PACS1: variants seen among roughly 807,000 people sequenced by gnomAD.
The protein encoded by PACS1 is PACS-1.
PACS1 carries 24 observed loss-of-function variants against 115.0 expected under a neutral mutation model. The observed-to-expected ratio is 0.21, with a 90% confidence interval of 0.15 to 0.29. PACS1 has a LOEUF of 0.29. PACS1 is among the 10% of genes least tolerant of loss of function. The probability of loss-of-function intolerance (pLI) is 1.00; values close to 1 mark genes in which losing one functional copy is unlikely to be tolerated. For missense variants in PACS1, 838 were observed against 1,251.2 expected (o/e 0.67, Z 4.98); for synonymous variants, 453 against 504.5 (o/e 0.90, Z 1.37).
chr11:66,216,366 A>T (rs1855209348), intron 5 of PACS1, 103 bp downstream of exon 5: 3 of 1,484,076 alleles, frequency 2.0e-6, no homozygotes, highest in Non-Finnish European at 2.8e-6. Flanking sequence ...AGACCTTTAG[A>T]GACCCCTGAA....
chr11:66,238,504 G>A (rs1049822735), intron 19 of PACS1: 65 of 288,200 alleles, frequency 2.3e-4, no homozygotes, highest in African/African-American at 1.4e-3. Flanking sequence ...TTTATTTGAT[G>A]TATTTATTTA....
rs375276233 is a variant in PACS1, at chr11:66,230,846, C to T, written c.1532C>T (p.Thr511Met). Reference protein sequence around the residue: ...GVHTPRQKRSTPLKERQLSKP... With the variant: ...GVHTPRQKRSMPLKERQLSKP... ...CACACACCCCGGCAGAAGAGGAGCA[C>T]GCCCCTGAAGGAGCGGCAGCTCTCC... Residue 511 changes from threonine to methionine, a missense_variant, in exon 13 of 24, where the codon ACG becomes ATG. Around this residue, in one of 6 missense-constraint regions of PACS1, gnomAD observed 383 missense variants for 537.0 expected, o/e 0.71. Transcript: ENST00000320580. The T allele has an allele frequency of 2.0e-5, 33 of 1,614,086 alleles. No individual in the cohort carries two copies. Among genetic ancestry groups the T allele is most frequent in the African/African-American group, 4.0e-5 (3 of 74,936 alleles).
intron 1 of PACS1, among the ~76,000 whole-genome samples, chr11:66,076,079 G>T (rs979290144): frequency 1.3e-5 from 2 of 152,148 alleles, no homozygotes; most frequent in Non-Finnish European, 2.9e-5. Context: ...TAGGAGATTT[G>T]AATTTCACAT....
At chr11:66,216,862 C>CTTATTTTTTTTTTTTTTTTTT in intron 7 of PACS1, 87 bp downstream of exon 7, 8 of 849,800 alleles carry the variant, frequency 9.4e-6, no homozygotes, top group East Asian at 2.7e-5. Context: ...CTAGTGGAGA[C>CTTATTTTTTTTTTTTTTTTTT]TTCTTAAAAT....
At chr11:66,103,444 A>G (rs912373778) in intron 1 of PACS1, among the ~76,000 whole-genome samples, 11 of 152,046 alleles carry the variant, frequency 7.2e-5, no homozygotes, top group African/African-American at 2.4e-4. Context: ...AATTTAGGAG[A>G]AAAGGGCATT....
chr11:66,185,686 C>G (rs926004810), intron 1 of PACS1, among the ~76,000 whole-genome samples: 1 of 152,214 alleles, frequency 6.6e-6, no homozygotes, highest in African/African-American at 2.4e-5. Flanking sequence ...AGATTTGGCT[C>G]TCCTAGGGAT....
At chr11:66,135,543 G>A (rs1313633616) in intron 1 of PACS1, among the ~76,000 whole-genome samples, 2 of 152,072 alleles carry the variant, frequency 1.3e-5, no homozygotes, top group African/African-American at 2.4e-5. Flanking sequence ...ATTACAGAGC[G>A]ATTTTCTGTG....
At chr11:66,100,653 T>C (rs1324783460) in intron 1 of PACS1, 2 of 355,616 alleles carry the variant, frequency 5.6e-6, no homozygotes, top group African/African-American at 2.1e-5. Context: ...AACTGCACTT[T>C]GGGCAGAGTT....
At chr11:66,214,615 CTTTTCTTTTTTTT>C (rs1855155375) in intron 4 of PACS1, among the ~76,000 whole-genome samples, 1 of 42,734 alleles carries the variant, frequency 2.3e-5, no homozygotes, top group African/African-American at 7.4e-5. Context: ...TCTTCTTTTT[CTTTTCTTTTTTTT>C]TTTTTTTTCC....
At chr11:66,138,571 C>T (rs1334738126) in intron 1 of PACS1, among the ~76,000 whole-genome samples, 1 of 152,086 alleles carries the variant, frequency 6.6e-6, no homozygotes, top group African/African-American at 2.4e-5. Flanking sequence ...CCCTGGGTCC[C>T]TTGCTTGCCT....
intron 11 of PACS1, among the ~76,000 whole-genome samples, chr11:66,229,515 C>T (rs946973824): frequency 1.3e-5 from 2 of 151,728 alleles, no homozygotes; most frequent in East Asian, 1.9e-4. Context: ...CTGGCTAACA[C>T]GTCTCTACTA....
chr11:66,177,650 A>G (rs1859899323), intron 1 of PACS1, among the ~76,000 whole-genome samples: 1 of 151,928 alleles, frequency 6.6e-6, no homozygotes, highest in Non-Finnish European at 1.5e-5. Context: ...TTGCTCTGTC[A>G]TCCAGGCCCA....
In PACS1 at chr11:66,070,569, C is replaced by T; in HGVS notation, c.83C>T (p.Ser28Phe). 6.8e-7 allele frequency: 1 copy of T among 1,478,702 alleles called. No individual in the cohort carries two copies. Among genetic ancestry groups the T allele is most frequent in the South Asian group, 1.3e-5 (1 of 78,300 alleles). The allele number at this position is 1,478,702 out of a possible 1,614,324, so 91.6% of individuals were successfully genotyped here. ...CAGCGGGGATCCGGGGTCGCCCAGTCCCCTCAGCAGCCGCCGCCGCAGCAG... is the reference window on the plus strand; with the variant it reads ...CAGCGGGGATCCGGGGTCGCCCAGTTCCCTCAGCAGCCGCCGCCGCAGCAG... Reference protein sequence around the residue: ...SGQRGSGVAQSPQQPPPQQQQ... With the variant: ...SGQRGSGVAQFPQQPPPQQQQ... The change falls in exon 1 of 24, where the codon TCC becomes TTC. Residue 28 changes from serine (S) to phenylalanine (F), a missense_variant. This residue lies in a region of PACS1 where 129 missense variants were observed against 109.4 expected (regional missense o/e 1.18). Transcript: ENST00000320580. The surrounding 1 kb of genome is among the most constrained non-coding windows in gnomAD (Gnocchi z 5.9).
chr11:66,188,509 C>T lies in PACS1; in HGVS notation c.357-4977C>T, dbSNP rs562932325. On this transcript the variant is annotated intron_variant, in intron 1 of 23. Transcript: ENST00000320580. ...AGTTCTGGTTACCCTACATCTTCACCAGCACTTGGAATTATCAGCCTTTAT... is the reference window on the plus strand; with the variant it reads ...AGTTCTGGTTACCCTACATCTTCACTAGCACTTGGAATTATCAGCCTTTAT... 5.3e-5 allele frequency among the ~76,000 whole-genome samples: 8 copies of T among 152,286 alleles called. No homozygotes were observed. In the South Asian group the frequency reaches 1.7e-3, roughly 32 times the overall value.
At chr11:66,198,513 A>G (rs1854698731) in intron 2 of PACS1, among the ~76,000 whole-genome samples, 1 of 151,898 alleles carries the variant, frequency 6.6e-6, no homozygotes, top group South Asian at 2.1e-4. Flanking sequence ...ACAAAAAACC[A>G]CATATTGTAT....
chr11:66,113,923 A>G (rs1006996485), intron 1 of PACS1, among the ~76,000 whole-genome samples: 1 of 152,184 alleles, frequency 6.6e-6, no homozygotes, highest in African/African-American at 2.4e-5. Context: ...AAGCAAACAC[A>G]TAGGGTATGA....
At chr11:66,139,495 C>T (rs1858929884) in intron 1 of PACS1, among the ~76,000 whole-genome samples, 1 of 151,764 alleles carries the variant, frequency 6.6e-6, no homozygotes, top group African/African-American at 2.4e-5. Flanking sequence ...CCCCCCTAAC[C>T]CCACCACTAC....
intron 1 of PACS1, among the ~76,000 whole-genome samples, chr11:66,180,950 T>C (rs991418609): frequency 6.6e-6 from 1 of 152,142 alleles, no homozygotes; most frequent in Non-Finnish European, 1.5e-5. Context: ...TGAGCCACCA[T>C]GCTCAGCCCT....
intron 1 of PACS1, among the ~76,000 whole-genome samples, chr11:66,159,324 A>T (rs1859436113): frequency 6.6e-6 from 1 of 152,074 alleles, no homozygotes; most frequent in African/African-American, 2.4e-5. Context: ...GTAATCCCAG[A>T]TACTCAGGAA....
Sources: allele counts gnomAD v4.1 joint callset (sites outside exome capture counted in the v4.1 genomes callset), GRCh38; gene constraint gnomAD v4.1.1; regional missense constraint gnomAD v4.1.1; non-coding constraint Gnocchi (gnomAD v3.1); transcripts MANE v1.5; gene names NCBI Gene and HGNC (gene_info 2026-07-23, HGNC 2026-07-21).